The following DNAAF9 variants were observed in gnomAD, a reference collection of about 807,000 sequenced individuals.
DNAAF9 encodes shulin.
A neutral mutation model predicts 167.0 loss-of-function variants in DNAAF9; 90 were observed. The observed-to-expected ratio is 0.54, with a 90% CI of 0.45 to 0.64. DNAAF9 has a LOEUF of 0.64. Among genes scored for constraint, DNAAF9 ranks in the 30% least tolerant of loss-of-function variants. The pLI is 0.00. For missense variants in DNAAF9, 1,315 were observed against 1,442.2 expected (o/e 0.91, Z 1.43); for synonymous variants, 491 against 508.8 (o/e 0.96, Z 0.47).
chr20:3,343,795 T>TCA, intron 8 of DNAAF9, 64 bp from the exon 9 acceptor site: 1 of 1,236,152 alleles, frequency 8.1e-7, no homozygotes, highest in Non-Finnish European at 1.2e-6. Context: ...ATAAAACCCC[T>TCA]CACATATGTA....
intron 34 of DNAAF9, among the ~76,000 whole-genome samples, chr20:3,255,542 T>C (rs1457763946): frequency 6.6e-6 from 1 of 152,110 alleles, no homozygotes; most frequent in Non-Finnish European, 1.5e-5. Flanking sequence ...CGTGCCTCTT[T>C]GTAGATTCTT....
chr20:3,312,091 C>T (rs778086241), intron 20 of DNAAF9, among the ~76,000 whole-genome samples: 80 of 151,852 alleles, frequency 5.3e-4, no homozygotes, highest in East Asian at 3.9e-4. Flanking sequence ...CAGGTTCAAG[C>T]GATTCTCCTG....
chr20:3,348,539 A>G lies in DNAAF9; in HGVS notation c.775T>C (p.Ser259Pro). 1 of 1,594,880 alleles carries G rather than the reference A, an allele frequency of 6.3e-7. No homozygotes were observed. Among genetic ancestry groups the G allele is most frequent in the Non-Finnish European group, 8.6e-7 (1 of 1,167,090 alleles). Residue 259 changes from serine to proline, a missense_variant, in exon 8 of 37, where the codon TCT (serine) becomes CCT (proline). By Grantham distance (74) the Ser-to-Pro change is moderately conservative (BLOSUM62 -1). This residue lies in a region of DNAAF9 where 981 missense variants were observed against 1,012.5 expected (regional missense o/e 0.97). Coordinates refer to ENST00000252032, the MANE Select transcript of DNAAF9 (RefSeq NM_001009984.3). ...CCCTTACATACCTCACCCGCCTGAGATTCTGAAAGTTCTAGCAGGAAAGGA... is the reference window on the plus strand; with the variant it reads ...CCCTTACATACCTCACCCGCCTGAGGTTCTGAAAGTTCTAGCAGGAAAGGA... ...EIPFLLELSE[S>P]QAGEPFRSYF...
At chr20:3,269,638 T>C (rs2068555839) in intron 30 of DNAAF9, among the ~76,000 whole-genome samples, 1 of 152,092 alleles carries the variant, frequency 6.6e-6, no homozygotes, top group Non-Finnish European at 1.5e-5. Flanking sequence ...GATGGGGTCT[T>C]CTTGGTGATT....
chr20:3,311,364 A>G (rs1419991263), intron 20 of DNAAF9, among the ~76,000 whole-genome samples: 2 of 151,986 alleles, frequency 1.3e-5, no homozygotes, highest in Non-Finnish European at 2.9e-5. Context: ...GGGCTCAAGC[A>G]ATCCTCCTGC....
intron 12 of DNAAF9, among the ~76,000 whole-genome samples, chr20:3,329,000 G>C (rs1188867580): frequency 1.3e-5 from 2 of 151,848 alleles, no homozygotes; most frequent in Non-Finnish European, 2.9e-5. Context: ...CTCCTGAGTA[G>C]CTGGGATTAC....
intron 10 of DNAAF9, among the ~76,000 whole-genome samples, chr20:3,334,237 G>A (rs529042262): frequency 6.6e-6 from 1 of 152,294 alleles, no homozygotes; most frequent in East Asian, 1.9e-4. Flanking sequence ...CTAGACTTAT[G>A]TATCTAACCC....
chr20:3,354,856 C>A (rs1410989404), intron 7 of DNAAF9, among the ~76,000 whole-genome samples: 1 of 152,178 alleles, frequency 6.6e-6, no homozygotes, highest in African/African-American at 2.4e-5. Context: ...ACCTAAGAAT[C>A]AAGCTCATAG....
In DNAAF9 at chr20:3,252,652, CT is replaced by C; in HGVS notation, c.3453del (p.Glu1152LysfsTer24). Reference protein sequence around the residue: ...LMDQFMNDYVEEANREIEKYN... With the variant: ...LMDQFMNDYVXEANREIEKYN... The stretch of plus-strand genomic sequence containing the variant: ...TACTTCTCAATTTCCCGGTTGGCTT[CT>C]TCCACGTAGTCATTCATGAACTGGT... On this transcript the variant is annotated frameshift_variant, in exon 37 of 37. Transcript: ENST00000252032. LOFTEE classifies it high-confidence loss of function. The C allele has an allele frequency of 1.9e-6, 3 of 1,610,894 alleles. No homozygotes were observed. The highest frequency in any genetic ancestry group is 2.5e-6 in the Non-Finnish European group (3 of 1,177,008).
At chr20:3,262,659 G>A (rs534809464) in intron 31 of DNAAF9, among the ~76,000 whole-genome samples, 3 of 152,264 alleles carry the variant, frequency 2.0e-5, no homozygotes, top group African/African-American at 7.2e-5. Context: ...AGTAAGGACT[G>A]GAGAACAGCA....
intron 7 of DNAAF9, among the ~76,000 whole-genome samples, chr20:3,353,638 C>A (rs1170074345): frequency 3.2e-4 from 3 of 9,328 alleles, no homozygotes; most frequent in Admixed American, 2.3e-3. Flanking sequence ...CCCGCACCAC[C>A]CCCCCCCCCG....
intron 12 of DNAAF9, among the ~76,000 whole-genome samples, chr20:3,329,439 G>A (rs2069779516): frequency 6.6e-6 from 1 of 152,230 alleles, no homozygotes; most frequent in Non-Finnish European, 1.5e-5. Context: ...GATTTCAGGT[G>A]AGCCACTGCG....
chr20:3,260,471 G>A (rs2068364328), intron 31 of DNAAF9, among the ~76,000 whole-genome samples: 1 of 152,218 alleles, frequency 6.6e-6, no homozygotes, highest in Non-Finnish European at 1.5e-5. Flanking sequence ...TGACTGCCCA[G>A]TTAAATCAGG....
chr20:3,326,721 C>G (rs533991210), intron 12 of DNAAF9, among the ~76,000 whole-genome samples: 1 of 148,744 alleles, frequency 6.7e-6, no homozygotes, highest in Non-Finnish European at 1.5e-5. Context: ...GTACTCCAGC[C>G]TGGGTGACAG....
intron 27 of DNAAF9, among the ~76,000 whole-genome samples, chr20:3,285,228 GT>G (rs762956152): frequency 1.2e-4 from 19 of 152,160 alleles, no homozygotes; most frequent in Non-Finnish European, 1.9e-4. Flanking sequence ...TATATTACAT[GT>G]TTCCCCAAAG....
At chr20:3,362,158 G>A in intron 6 of DNAAF9, 2 of 1,419,420 alleles carry the variant, frequency 1.4e-6, no homozygotes, top group East Asian at 2.3e-5. Flanking sequence ...AATTGTTCCT[G>A]GAGGCCCAAT....
At chr20:3,402,879 T>C (rs1371223331) in intron 1 of DNAAF9, among the ~76,000 whole-genome samples, 1 of 152,232 alleles carries the variant, frequency 6.6e-6, no homozygotes, top group Non-Finnish European at 1.5e-5. Flanking sequence ...ATAAGTGAGA[T>C]CATGTGGTCC....
At chr20:3,291,019 C>G (rs2068941944) in intron 25 of DNAAF9, among the ~76,000 whole-genome samples, 1 of 152,012 alleles carries the variant, frequency 6.6e-6, no homozygotes, top group South Asian at 2.1e-4. Flanking sequence ...GAACTCCTGA[C>G]CTTGGGTGAT....
Position 3,332,278 on chromosome 20 carries a change from A to C in DNAAF9, c.1063+2T>G. The C allele has an allele frequency of 6.6e-7, 1 of 1,517,582 alleles. No individual in the cohort carries two copies. The highest frequency in any genetic ancestry group is 9.2e-7 in the Non-Finnish European group (1 of 1,092,428). 94.0% of individuals were successfully genotyped at this position (1,517,582 alleles called of 1,614,324 possible). A position where few individuals can be genotyped will look rare whatever the true frequency, so the allele number is the denominator to read the frequency against. ...ATGAGATGACAACTTATAGGGACTT[A>C]CCCAAGTAAGGAACATGAGTAGCTC... On this transcript the variant is annotated splice_donor_variant, in intron 11 of 36. Transcript: ENST00000252032. LOFTEE classifies it high-confidence loss of function.
Sources: allele counts gnomAD v4.1 joint callset (sites outside exome capture counted in the v4.1 genomes callset), GRCh38; gene constraint gnomAD v4.1.1; regional missense constraint gnomAD v4.1.1; transcripts MANE v1.5; gene names NCBI Gene and HGNC (gene_info 2026-07-23, HGNC 2026-07-21).